Variants in SOX5 observed in about 807,000 individuals in gnomAD.
The protein encoded by SOX5 is transcription factor SOX-5.
In SOX5, 9 loss-of-function variants were observed where a neutral mutation model predicts 92.0. The observed-to-expected ratio is 0.10, with a 90% CI of 0.06 to 0.17. The LOEUF is 0.17. Ranked by LOEUF, SOX5 falls within the 10% of genes least tolerant of loss-of-function variation. The probability of loss-of-function intolerance (pLI) is 1.00; values close to 1 mark genes in which losing one functional copy is unlikely to be tolerated. For synonymous variants in SOX5, 344 were observed against 336.3 expected, an observed-to-expected ratio of 1.02 and a Z score of -0.25; for missense variants, 642 against 944.5, an observed-to-expected ratio of 0.68 and a Z score of 4.20.
At chr12:23,593,544 G>C (rs1951882469) in intron 9 of SOX5, among the ~76,000 whole-genome samples, 1 of 152,004 alleles carries the variant, frequency 6.6e-6, no homozygotes, top group Non-Finnish European at 1.5e-5. Flanking sequence ...GTGAAAACAG[G>C]TAAAACTGAA....
At chr12:24,122,742 T>C (rs1267717780) in intron 4 of SOX5, among the ~76,000 whole-genome samples, 7 of 152,172 alleles carry the variant, frequency 4.6e-5, no homozygotes, top group Non-Finnish European at 8.8e-5. Context: ...CTATTGTGTC[T>C]TTGTTTTGTT....
At chr12:24,377,639 GC>G (rs1472120464) in intron 1 of SOX5, among the ~76,000 whole-genome samples, 1 of 152,152 alleles carries the variant, frequency 6.6e-6, no homozygotes, top group Non-Finnish European at 1.5e-5. Flanking sequence ...CTCTTTTCCA[GC>G]CTCGTGCTCC....
At chr12:23,924,118 G>A (rs771431440) in intron 1 of SOX5, among the ~76,000 whole-genome samples, 7 of 152,084 alleles carry the variant, frequency 4.6e-5, no homozygotes, top group Non-Finnish European at 1.0e-4. Context: ...AATATTTACA[G>A]AATTGTACCA....
Position 23,614,347 on chromosome 12 carries a change from A to C in SOX5, c.1018-9814T>G, listed in dbSNP as rs74644125. Among the ~76,000 whole-genome samples, 1,517 of 152,326 alleles carry C rather than the reference A, an allele frequency of 1.0e-2. 14 individuals are homozygous for C. The highest frequency in any genetic ancestry group is 0.035 in the African/African-American group (1,439 of 41,574). On this transcript the variant is annotated intron_variant, in intron 8 of 14. Coordinates refer to ENST00000451604, the MANE Select transcript of SOX5 (RefSeq NM_006940.6). ...CTTTTTGAAATAACACATTCCTTTT[A>C]CTTCTCTTTGGCCAGATGTGAGGTA...
At chr12:23,552,279 G>A (rs553759666) in intron 11 of SOX5, among the ~76,000 whole-genome samples, 1 of 151,886 alleles carries the variant, frequency 6.6e-6, no homozygotes. Context: ...CTTGGTAGAG[G>A]TTGTGGTAAT....
intron 2 of SOX5, among the ~76,000 whole-genome samples, chr12:23,877,116 A>T (rs530966782): frequency 1.3e-5 from 2 of 152,314 alleles, no homozygotes; most frequent in Admixed American, 1.3e-4. Flanking sequence ...CGTTCTGCAC[A>T]TGTATCCCAG....
chr12:24,131,197 T>C (rs1245499107), intron 4 of SOX5, among the ~76,000 whole-genome samples: 2 of 152,246 alleles, frequency 1.3e-5, no homozygotes, highest in Non-Finnish European at 2.9e-5. Flanking sequence ...TTCTAATCTT[T>C]GTGTTAAGAT....
intron 4 of SOX5, among the ~76,000 whole-genome samples, chr12:24,038,547 A>G (rs938113695): frequency 6.6e-6 from 1 of 152,204 alleles, no homozygotes; most frequent in African/African-American, 2.4e-5. Context: ...GTCTATTGAC[A>G]CAATGGGAAC....
At chr12:23,801,680 T>TA in intron 3 of SOX5, among the ~76,000 whole-genome samples, 1 of 152,334 alleles carries the variant, frequency 6.6e-6, no homozygotes, top group Non-Finnish European at 1.5e-5. Context: ...TTATTAATAC[T>TA]AAAATCTATT....
intron 2 of SOX5, among the ~76,000 whole-genome samples, chr12:24,286,066 A>G (rs1054837988): frequency 5.3e-5 from 8 of 152,212 alleles, no homozygotes; most frequent in African/African-American, 1.9e-4. Flanking sequence ...CTGCTTTAAT[A>G]TAAAGTTTTA....
chr12:24,334,480 A>G (rs1951673750), intron 2 of SOX5, among the ~76,000 whole-genome samples: 1 of 152,158 alleles, frequency 6.6e-6, no homozygotes, highest in South Asian at 2.1e-4. Flanking sequence ...AGAAGTTTAG[A>G]ATTAAAATAA....
intron 1 of SOX5, among the ~76,000 whole-genome samples, chr12:24,374,865 G>C (rs533690252): frequency 9.0e-4 from 137 of 152,344 alleles, no homozygotes; most frequent in Non-Finnish European, 1.6e-3. Flanking sequence ...GCCTGCACTA[G>C]AGTGAGATTT....
chr12:24,478,415 A>C (rs941046486), intron 1 of SOX5, among the ~76,000 whole-genome samples: 10 of 152,212 alleles, frequency 6.6e-5, no homozygotes, highest in African/African-American at 2.4e-4. Flanking sequence ...GCTTCATCAG[A>C]ACACTGCAAT....
intron 2 of SOX5, among the ~76,000 whole-genome samples, chr12:24,295,525 T>G (rs1947114933): frequency 6.6e-6 from 1 of 152,202 alleles, no homozygotes; most frequent in Non-Finnish European, 1.5e-5. Flanking sequence ...AAAGGATATT[T>G]TGTTCAGTGA....
chr12:23,816,356 C>T (rs1226766069), intron 3 of SOX5, among the ~76,000 whole-genome samples: 18 of 151,770 alleles, frequency 1.2e-4, no homozygotes, highest in African/African-American at 2.4e-4. Context: ...ACTACAGGTG[C>T]GCACCACGAT....
Position 24,158,441 on chromosome 12 carries a change from A to T in SOX5, c.-2+54902T>A, listed in dbSNP as rs376349031. On this transcript the variant is annotated intron_variant, in intron 4 of 4. Transcript: ENST00000446891. Reference sequence around the variant, plus strand: ...TTACCCAGAATGAATACATATTTGAAAAAAAGTCTTAATTTTATAGAAATT... The same window carrying T: ...TTACCCAGAATGAATACATATTTGATAAAAAGTCTTAATTTTATAGAAATT... Among the ~76,000 whole-genome samples, 4 of 151,996 alleles carry T rather than the reference A, an allele frequency of 2.6e-5. No homozygotes were observed. In the East Asian group the frequency reaches 5.8e-4, roughly 22 times the overall value.
intron 4 of SOX5, among the ~76,000 whole-genome samples, chr12:24,005,750 G>A (rs543351290): frequency 3.3e-5 from 5 of 152,276 alleles, no homozygotes; most frequent in South Asian, 4.1e-4. Context: ...AATGAATGAT[G>A]TCACAGATAC....
At chr12:24,009,802 T>G (rs912063911) in intron 4 of SOX5, among the ~76,000 whole-genome samples, 12 of 152,172 alleles carry the variant, frequency 7.9e-5, no homozygotes, top group Admixed American at 3.3e-4. Context: ...AATCTGTGCT[T>G]GGTCAAAATG....
At chr12:24,510,271 T>C (rs944585519) in intron 1 of SOX5, among the ~76,000 whole-genome samples, 1 of 151,936 alleles carries the variant, frequency 6.6e-6, no homozygotes, top group Admixed American at 6.6e-5. Flanking sequence ...AGACTGTAGA[T>C]ACAAAAAAAA....
Sources: gnomAD v4.1 joint callset for allele counts (sites outside exome capture counted in the v4.1 genomes callset) on GRCh38, gnomAD v4.1.1 for gene constraint, MANE v1.5 for transcripts, NCBI Gene and HGNC (gene_info 2026-07-23, HGNC 2026-07-21) for gene names.